MAGI2: variants seen among roughly 807,000 people sequenced by gnomAD.
The protein encoded by MAGI2 is membrane-associated guanylate kinase, WW and PDZ domain-containing protein 2.
MAGI2 carries 35 observed loss-of-function variants against 133.3 expected under a neutral mutation model. The observed-to-expected ratio is 0.26, with a 90% CI of 0.20 to 0.35. The LOEUF (loss-of-function observed/expected upper bound fraction) is 0.35, where lower values mean the gene tolerates loss of function less well. Ranked by LOEUF, MAGI2 falls within the 10% of genes least tolerant of loss-of-function variation. The probability of loss-of-function intolerance (pLI) is 1.00; values close to 1 mark genes in which losing one functional copy is unlikely to be tolerated. For missense variants in MAGI2, 1,636 were observed against 1,863.4 expected, an observed-to-expected ratio of 0.88 and a Z score of 2.25; for synonymous variants, 729 against 710.6, an observed-to-expected ratio of 1.03 and a Z score of -0.41.
chr7:79,088,187 TCTC>T (rs1234386062), intron 1 of MAGI2, among the ~76,000 whole-genome samples: 1 of 152,092 alleles, frequency 6.6e-6, no homozygotes, highest in African/African-American at 2.4e-5. Context: ...AGTTAGTAGT[TCTC>T]CTTGACGAAC....
chr7:78,250,465 T>G (rs2150935224), intron 10 of MAGI2, among the ~76,000 whole-genome samples: 1 of 152,146 alleles, frequency 6.6e-6, no homozygotes, highest in Non-Finnish European at 1.5e-5. Context: ...TCCTCTAAGC[T>G]TCCACCTCAA....
chr7:78,768,804 A>G (rs1402697948), intron 2 of MAGI2, among the ~76,000 whole-genome samples: 1 of 152,144 alleles, frequency 6.6e-6, no homozygotes, highest in East Asian at 1.9e-4. Flanking sequence ...ACTATTTTGC[A>G]TCCTCATGCT....
intron 2 of MAGI2, among the ~76,000 whole-genome samples, chr7:78,745,362 G>A (rs1563444559): frequency 6.6e-6 from 1 of 152,152 alleles, no homozygotes; most frequent in Non-Finnish European, 1.5e-5. Context: ...AGAGGTGAGA[G>A]CAGAGGCCCA....
intron 1 of MAGI2, among the ~76,000 whole-genome samples, chr7:79,419,227 TGAATACTGAGATGCCTA>T (rs1320423461): frequency 1.3e-5 from 2 of 152,016 alleles, no homozygotes; most frequent in Admixed American, 1.3e-4. Flanking sequence ...TGGAGGAAAA[TGAATACTGAGATGCCTA>T]GAATACCCAG....
At position 78,888,265 on chromosome 7, in the gene MAGI2, A is replaced by T. The variant is rs182627775; in HGVS notation, c.418+118825T>A. On this transcript the variant is annotated intron_variant, in intron 2 of 21. Transcript: ENST00000354212. ...ATTGGGTGGAGCCCACCACAGCTCAAGGAGGCCTGCCTGCCTCTGTAGACT... is the reference window on the plus strand; with the variant it reads ...ATTGGGTGGAGCCCACCACAGCTCATGGAGGCCTGCCTGCCTCTGTAGACT... Among the ~76,000 whole-genome samples, 15 of 152,336 alleles carry T rather than the reference A, an allele frequency of 9.8e-5. No individual in the cohort carries two copies. The East Asian group carries it at 2.7e-3, about 27-fold the overall frequency.
At chr7:78,812,532 C>T (rs1789159454) in intron 2 of MAGI2, among the ~76,000 whole-genome samples, 1 of 151,816 alleles carries the variant, frequency 6.6e-6, no homozygotes, top group African/African-American at 2.4e-5. Flanking sequence ...TTATTAGATC[C>T]ATGCGGTGTG....
At chr7:78,341,370 A>T (rs1790354276) in intron 9 of MAGI2, among the ~76,000 whole-genome samples, 1 of 152,180 alleles carries the variant, frequency 6.6e-6, no homozygotes, top group African/African-American at 2.4e-5. Flanking sequence ...ATATCATGAA[A>T]ATGGCCATAC....
intron 3 of MAGI2, among the ~76,000 whole-genome samples, chr7:78,548,383 C>G (rs186722664): frequency 6.6e-6 from 1 of 152,280 alleles, no homozygotes; most frequent in Admixed American, 6.5e-5. Context: ...ACAGGACAGA[C>G]CTCCATGTAT....
chr7:78,984,339 C>T (rs1410697040), intron 2 of MAGI2, among the ~76,000 whole-genome samples: 1 of 151,986 alleles, frequency 6.6e-6, no homozygotes, highest in Non-Finnish European at 1.5e-5. Flanking sequence ...AACATCCCTT[C>T]TGTGTTCAAA....
At chr7:78,313,205 TAG>T (rs1408463267) in intron 9 of MAGI2, among the ~76,000 whole-genome samples, 1 of 151,922 alleles carries the variant, frequency 6.6e-6, no homozygotes, top group Non-Finnish European at 1.5e-5. Flanking sequence ...GTGGGAGCAT[TAG>T]AGTGTGGTGA....
intron 2 of MAGI2, among the ~76,000 whole-genome samples, chr7:78,914,700 T>C (rs1283447077): frequency 6.6e-6 from 1 of 152,076 alleles, no homozygotes; most frequent in Non-Finnish European, 1.5e-5. Context: ...AATATATTGT[T>C]AGAGAAAATA....
chr7:78,438,853 C>T (rs541675328), intron 6 of MAGI2, among the ~76,000 whole-genome samples: 8 of 152,274 alleles, frequency 5.3e-5, no homozygotes, highest in Admixed American at 3.3e-4. Flanking sequence ...GCATAATTAA[C>T]GGGCTGTTAA....
intron 2 of MAGI2, among the ~76,000 whole-genome samples, chr7:78,725,289 G>A (rs1820662297): frequency 6.6e-6 from 1 of 152,218 alleles, no homozygotes; most frequent in Non-Finnish European, 1.5e-5. Flanking sequence ...ATGCTTAGGT[G>A]TGGATTTCTG....
At chr7:78,672,814 C>T (rs1477228384) in intron 2 of MAGI2, among the ~76,000 whole-genome samples, 3 of 152,130 alleles carry the variant, frequency 2.0e-5, no homozygotes, top group Non-Finnish European at 4.4e-5. Context: ...GATTCTGATG[C>T]ATGCCAATGT....
intron 3 of MAGI2, chr7:78,554,424 T>C (rs549148851): frequency 6.6e-6 from 1 of 152,158 alleles, no homozygotes; most frequent in East Asian, 1.9e-4. Context: ...CAGTCACACC[T>C]CAGAAGATAA....
intron 2 of MAGI2, among the ~76,000 whole-genome samples, chr7:78,704,863 C>T (rs1818471445): frequency 6.8e-6 from 1 of 146,902 alleles, no homozygotes; most frequent in Non-Finnish European, 1.5e-5. Context: ...TCACTGCAAC[C>T]TCTGAGGAGG....
chr7:79,450,870 G>C (rs1382326970), intron 1 of MAGI2, among the ~76,000 whole-genome samples: 1 of 152,148 alleles, frequency 6.6e-6, no homozygotes, highest in Non-Finnish European at 1.5e-5. Context: ...AACTCTGTTA[G>C]AAAGCTCATG....
chr7:78,232,762 A>G (rs1382243911), intron 10 of MAGI2, among the ~76,000 whole-genome samples: 1 of 152,234 alleles, frequency 6.6e-6, no homozygotes. Context: ...TGGAAGAAGT[A>G]ATGTCTGACC....
rs184372193 is a variant in MAGI2, at chr7:78,776,386, A to G, written c.419-149147T>C. ...ATTTAACTAATCATAAACTACATGT[A>G]TTTCTTTATAATTGATCCATAGTAG... On this transcript the variant is annotated intron_variant, in intron 2 of 21. Transcript: ENST00000354212. Among the ~76,000 whole-genome samples the G allele has an allele frequency of 1.3e-3, 192 of 152,322 alleles. 1 individual carries two copies. Among genetic ancestry groups the G allele is most frequent in the South Asian group, 2.3e-3 (11 of 4,830 alleles).
Sources: allele counts gnomAD v4.1 joint callset (sites outside exome capture counted in the v4.1 genomes callset), GRCh38; gene constraint gnomAD v4.1.1; transcripts MANE v1.5; gene names NCBI Gene and HGNC (gene_info 2026-07-23, HGNC 2026-07-21).